The following SCFD2 variants were observed in gnomAD, a reference collection of about 807,000 sequenced individuals.
SCFD2 encodes sec1 family domain-containing protein 2.
Under a neutral mutation model 58.9 loss-of-function variants are expected in SCFD2, and 54 were observed. The observed-to-expected ratio is 0.92, with a 90% confidence interval of 0.74 to 1.15. SCFD2 has a LOEUF of 1.15. Ranked by LOEUF, SCFD2 falls within the 50% of genes most tolerant of loss-of-function variation. The pLI, the probability that SCFD2 is intolerant of heterozygous loss-of-function variation, is 0.00. For synonymous variants in SCFD2, 321 were observed against 335.9 expected, an observed-to-expected ratio of 0.96 and a Z score of 0.49; for missense variants, 805 against 836.6, an observed-to-expected ratio of 0.96 and a Z score of 0.47.
chr4:53,134,885 T>G (rs1361912147), intron 5 of SCFD2, among the ~76,000 whole-genome samples: 1 of 152,228 alleles, frequency 6.6e-6, no homozygotes, highest in East Asian at 1.9e-4. Flanking sequence ...TGGCTTTAGT[T>G]TCCAGAGATG....
chr4:53,232,932 T>C (rs1729484207), intron 4 of SCFD2, among the ~76,000 whole-genome samples: 2 of 152,158 alleles, frequency 1.3e-5, no homozygotes, highest in Non-Finnish European at 2.9e-5. Flanking sequence ...CCAGAGATCA[T>C]GGAGAAATCC....
intron 2 of SCFD2, among the ~76,000 whole-genome samples, chr4:53,336,422 A>T (rs1733684830): frequency 6.6e-6 from 1 of 152,204 alleles, no homozygotes; most frequent in African/African-American, 2.4e-5. Flanking sequence ...CTGAGCTCAA[A>T]ATCAATTTTG....
chr4:53,178,591 C>CTT, intron 4 of SCFD2, among the ~76,000 whole-genome samples: 2 of 152,136 alleles, frequency 1.3e-5, no homozygotes, highest in African/African-American at 4.8e-5. Context: ...AATCAGAGCG[C>CTT]CTATCCTCCT....
chr4:52,953,388 G>A (rs763097866), intron 5 of SCFD2, among the ~76,000 whole-genome samples: 4 of 152,148 alleles, frequency 2.6e-5, no homozygotes, highest in Non-Finnish European at 5.9e-5. Flanking sequence ...AAAAGGGAAG[G>A]GACCTCTACT....
At chr4:53,219,299 G>A (rs555585709) in intron 4 of SCFD2, among the ~76,000 whole-genome samples, 3 of 152,256 alleles carry the variant, frequency 2.0e-5, no homozygotes, top group South Asian at 2.1e-4. Context: ...TTTCAGTTTC[G>A]AGGCCACTTT....
intron 6 of SCFD2, among the ~76,000 whole-genome samples, chr4:52,912,749 C>A (rs1049210364): frequency 2.0e-5 from 3 of 152,170 alleles, no homozygotes; most frequent in Non-Finnish European, 4.4e-5. Flanking sequence ...TCACTGAAAT[C>A]TGGTTAGAAT....
chr4:52,882,642 C>G (rs1463883219), intron 8 of SCFD2, among the ~76,000 whole-genome samples: 1 of 152,200 alleles, frequency 6.6e-6, no homozygotes, highest in Non-Finnish European at 1.5e-5. Flanking sequence ...TCCCAGCCTA[C>G]ATCTTTCTCA....
At chr4:53,065,688 T>G (rs13151227) in intron 5 of SCFD2, among the ~76,000 whole-genome samples, 29,355 of 152,022 alleles carry the variant, frequency 0.19, 3,454 homozygotes, top group Non-Finnish European at 0.27. Flanking sequence ...GATAATTTTT[T>G]TCCCATTTGG....
chr4:52,947,803 T>TA (rs962309435), intron 5 of SCFD2, among the ~76,000 whole-genome samples: 57 of 142,924 alleles, frequency 4.0e-4, no homozygotes, highest in Admixed American at 7.0e-4. Flanking sequence ...ACTTTAAAAT[T>TA]AAAAAAAAAA....
intron 4 of SCFD2, among the ~76,000 whole-genome samples, chr4:53,268,102 A>G (rs1731046837): frequency 1.3e-5 from 2 of 152,270 alleles, no homozygotes; most frequent in South Asian, 4.1e-4. Flanking sequence ...GGCTTAGGGC[A>G]GGTTGTCAGA....
intron 4 of SCFD2, among the ~76,000 whole-genome samples, chr4:53,201,414 C>T (rs1728234641): frequency 6.6e-6 from 1 of 152,104 alleles, no homozygotes; most frequent in African/African-American, 2.4e-5. Context: ...TTTCTTAATC[C>T]AGTCTATCAT....
intron 4 of SCFD2, among the ~76,000 whole-genome samples, chr4:53,217,683 G>T (rs958140624): frequency 1.3e-5 from 2 of 152,106 alleles, no homozygotes; most frequent in Non-Finnish European, 2.9e-5. Context: ...GATCCTGTCA[G>T]TATGATGTTA....
chr4:53,238,508 C>G (rs1313636155), intron 4 of SCFD2, among the ~76,000 whole-genome samples: 1 of 151,806 alleles, frequency 6.6e-6, no homozygotes, highest in African/African-American at 2.4e-5. Context: ...GCTGACCCCC[C>G]CACCTCCCTC....
intron 5 of SCFD2, among the ~76,000 whole-genome samples, chr4:52,989,484 G>C (rs992342962): frequency 4.6e-5 from 7 of 152,170 alleles, no homozygotes; most frequent in Admixed American, 2.0e-4. Flanking sequence ...TTCAACTTAT[G>C]ATAAAGACAC....
chr4:53,046,165 C>T (rs1364870185), intron 5 of SCFD2, among the ~76,000 whole-genome samples: 3 of 152,282 alleles, frequency 2.0e-5, no homozygotes, highest in East Asian at 1.9e-4. Context: ...AACAAATATT[C>T]AGTACCTATG....
At chr4:53,186,541 CAAAG>C (rs1242859783) in intron 4 of SCFD2, among the ~76,000 whole-genome samples, 2 of 151,926 alleles carry the variant, frequency 1.3e-5, no homozygotes, top group African/African-American at 2.4e-5. Context: ...GCTCTAAAAA[CAAAG>C]AAAGAGTCAT....
intron 4 of SCFD2, among the ~76,000 whole-genome samples, chr4:53,269,672 A>C (rs1731100156): frequency 6.6e-6 from 1 of 152,196 alleles, no homozygotes; most frequent in African/African-American, 2.4e-5. Flanking sequence ...ACCCTAACTG[A>C]CTTTACTAAA....
intron 5 of SCFD2, among the ~76,000 whole-genome samples, chr4:53,073,142 T>C (rs1199924880): frequency 6.6e-6 from 1 of 151,472 alleles, no homozygotes; most frequent in Non-Finnish European, 1.5e-5. Flanking sequence ...AGCATTTTCC[T>C]AATTATATTT....
intron 5 of SCFD2, among the ~76,000 whole-genome samples, chr4:53,029,434 T>A (rs1421779299): frequency 1.3e-5 from 2 of 152,200 alleles, no homozygotes; most frequent in African/African-American, 2.4e-5. Context: ...ATTTTCTTTC[T>A]TTTCTTTCTT....
Sources: gnomAD v4.1 joint callset for allele counts (sites outside exome capture counted in the v4.1 genomes callset) on GRCh38, gnomAD v4.1.1 for gene constraint, MANE v1.5 for transcripts, NCBI Gene and HGNC (gene_info 2026-07-23, HGNC 2026-07-21) for gene names.